The following CCDC138 variants were observed in gnomAD, a reference collection of about 807,000 sequenced individuals.
The protein encoded by CCDC138 is coiled-coil domain containing 138, also known as coiled-coil domain-containing protein 138.
CCDC138 carries 66 observed loss-of-function variants against 82.3 expected under a neutral mutation model. The observed-to-expected ratio is 0.80, with a 90% CI of 0.66 to 0.98. The LOEUF is 0.98. Among genes scored for constraint, CCDC138 ranks in the 50% least tolerant of loss-of-function variants. The pLI, the probability that CCDC138 is intolerant of heterozygous loss-of-function variation, is 0.00. For synonymous variants in CCDC138, 297 were observed against 265.4 expected (o/e 1.12, Z -1.16); for missense variants, 816 against 758.9 (o/e 1.08, Z -0.88).
At chr2:108,828,651 A>G (rs2150191812) in intron 10 of CCDC138, among the ~76,000 whole-genome samples, 1 of 152,322 alleles carries the variant, frequency 6.6e-6, no homozygotes, top group Non-Finnish European at 1.5e-5. Context: ...CTCATGCAAC[A>G]AAATGAGTAT....
intron 7 of CCDC138, among the ~76,000 whole-genome samples, chr2:108,805,747 A>C (rs1014030123): frequency 2.6e-5 from 4 of 152,258 alleles, no homozygotes; most frequent in African/African-American, 9.6e-5. Flanking sequence ...ATTGTAATTT[A>C]GATTAATATA....
chr2:108,810,288 A>G (rs1410202967), intron 7 of CCDC138, among the ~76,000 whole-genome samples: 1 of 152,178 alleles, frequency 6.6e-6, no homozygotes, highest in Non-Finnish European at 1.5e-5. Flanking sequence ...TTTGTTATAT[A>G]TAGCTTTTAA....
In CCDC138 at chr2:108,831,984, C is replaced by T. The variant is rs868598648; in HGVS notation, c.1207-7201C>T. ...CTGACCTCAGGTGATCCACCCTCCT[C>T]GGCCTCCCGAAGTGCTGGGATTACA... On this transcript the variant is annotated intron_variant, in intron 10 of 14. Coordinates refer to ENST00000295124, the MANE Select transcript of CCDC138 (RefSeq NM_144978.3). 3.9e-5 allele frequency among the ~76,000 whole-genome samples: 6 copies of T among 152,170 alleles called. No homozygotes were observed. The South Asian group carries it at 8.3e-4, about 21-fold the overall frequency.
intron 9 of CCDC138, among the ~76,000 whole-genome samples, chr2:108,814,398 A>G (rs555496218): frequency 7.2e-5 from 11 of 152,216 alleles, no homozygotes; most frequent in East Asian, 1.9e-4. Context: ...AGAAAATTGG[A>G]GTAAATTGAA....
intron 13 of CCDC138, among the ~76,000 whole-genome samples, chr2:108,859,672 A>G (rs1360618426): frequency 6.6e-6 from 1 of 152,098 alleles, no homozygotes; most frequent in South Asian, 2.1e-4. Context: ...GTCTTTTTAT[A>G]TACCAGTACC....
intron 13 of CCDC138, among the ~76,000 whole-genome samples, chr2:108,866,047 G>A (rs200232350): frequency 6.6e-6 from 1 of 152,160 alleles, no homozygotes; most frequent in Non-Finnish European, 1.5e-5. Context: ...GACTATGGTA[G>A]TAGGGTATCT....
intron 10 of CCDC138, among the ~76,000 whole-genome samples, chr2:108,831,679 T>C (rs1687651579): frequency 6.9e-6 from 1 of 144,800 alleles, no homozygotes; most frequent in Admixed American, 6.9e-5. Context: ...TCTGATTTAG[T>C]AGATCTGATG....
At chr2:108,829,916 C>T (rs1687271973) in intron 10 of CCDC138, among the ~76,000 whole-genome samples, 1 of 152,064 alleles carries the variant, frequency 6.6e-6, no homozygotes, top group African/African-American at 2.4e-5. Flanking sequence ...AGTTTTACTT[C>T]TGGATATATA....
At chr2:108,793,442 C>G (rs1012316849) in intron 4 of CCDC138, among the ~76,000 whole-genome samples, 1 of 152,106 alleles carries the variant, frequency 6.6e-6, no homozygotes, top group African/African-American at 2.4e-5. Context: ...GGATATCAAG[C>G]AAGAGGAACT....
chr2:108,855,159 A>G (rs1244545255), intron 12 of CCDC138, among the ~76,000 whole-genome samples: 2 of 152,194 alleles, frequency 1.3e-5, no homozygotes, highest in Non-Finnish European at 2.9e-5. Flanking sequence ...AAAATCTGAA[A>G]TATTCAATAA....
chr2:108,815,382 C>A (rs1172236636), intron 9 of CCDC138, among the ~76,000 whole-genome samples: 2 of 150,230 alleles, frequency 1.3e-5, no homozygotes, highest in African/African-American at 4.9e-5. Flanking sequence ...GTTATTCCAA[C>A]TTCCTGATTA....
chr2:108,798,746 C>G (rs553925301), intron 6 of CCDC138, among the ~76,000 whole-genome samples, 160 bp downstream of exon 6: 1 of 138,562 alleles, frequency 7.2e-6, no homozygotes, highest in South Asian at 2.4e-4. Flanking sequence ...CACACTTTTT[C>G]TGATCCATTT....
intron 11 of CCDC138, among the ~76,000 whole-genome samples, chr2:108,845,074 A>G (rs1203984953): frequency 2.0e-5 from 3 of 151,872 alleles, no homozygotes; most frequent in Non-Finnish European, 4.4e-5. Flanking sequence ...TTATTTTTTC[A>G]TTATAAAAGT....
At chr2:108,791,292 C>T (rs1393166643) in intron 3 of CCDC138, among the ~76,000 whole-genome samples, 3 of 152,080 alleles carry the variant, frequency 2.0e-5, no homozygotes, top group Admixed American at 2.0e-4. Context: ...ACTTTCTACT[C>T]GTTATGTCAC....
rs539545910 is a variant in CCDC138, at chr2:108,804,973, G to A, written c.820G>A (p.Ala274Thr). The A allele has an allele frequency of 1.3e-6, 2 of 1,566,426 alleles. No individual in the cohort carries two copies. Among genetic ancestry groups the A allele is most frequent in the South Asian group, 2.4e-5 (2 of 81,958 alleles). Residue 274 changes from alanine (A) to threonine (T), a missense_variant, in exon 7 of 15, where the codon GCA becomes ACA. Coordinates refer to ENST00000295124, the MANE Select transcript of CCDC138 (RefSeq NM_144978.3). ...CAAGAGACTGAGGTCCTCTTTTGAT[G>A]CATTGAAAGAATTGAATGATACCTT... Reference protein sequence around the residue: ...ETKRLRSSFDALKELNDTLKK... With the variant: ...ETKRLRSSFDTLKELNDTLKK...
intron 10 of CCDC138, among the ~76,000 whole-genome samples, chr2:108,827,591 C>T (rs1012441350): frequency 3.9e-5 from 6 of 151,926 alleles, no homozygotes; most frequent in Non-Finnish European, 7.4e-5. Context: ...CCAAGGTGGG[C>T]GGATCACGAG....
intron 10 of CCDC138, among the ~76,000 whole-genome samples, chr2:108,817,583 G>A (rs1484995813): frequency 6.6e-6 from 1 of 152,188 alleles, no homozygotes; most frequent in Non-Finnish European, 1.5e-5. Flanking sequence ...GAGCCACCGT[G>A]CCCAGCCATC....
chr2:108,823,636 G>A (rs892167722), intron 10 of CCDC138, among the ~76,000 whole-genome samples: 9 of 152,170 alleles, frequency 5.9e-5, no homozygotes, highest in African/African-American at 2.2e-4. Flanking sequence ...AAGTATTTGG[G>A]TATCTAAACA....
chr2:108,836,776 C>G (rs1253249494), intron 10 of CCDC138, among the ~76,000 whole-genome samples: 1 of 151,692 alleles, frequency 6.6e-6, no homozygotes, highest in Non-Finnish European at 1.5e-5. Context: ...AGTTTTTTAC[C>G]TCCTTGCTTA....
Sources: gnomAD v4.1 joint callset for allele counts (sites outside exome capture counted in the v4.1 genomes callset) on GRCh38, gnomAD v4.1.1 for gene constraint, MANE v1.5 for transcripts, NCBI Gene and HGNC (gene_info 2026-07-23, HGNC 2026-07-21) for gene names.